Variants in CACNA1A observed in about 807,000 individuals in gnomAD.
CACNA1A encodes the protein calcium voltage-gated channel subunit alpha1 A, also known as voltage-dependent P/Q-type calcium channel subunit alpha-1A.
Under a neutral mutation model 262.4 loss-of-function variants are expected in CACNA1A, and 57 were observed. The observed-to-expected ratio is 0.22, with a 90% CI of 0.18 to 0.27. The LOEUF (loss-of-function observed/expected upper bound fraction) is 0.27, where lower values mean the gene tolerates loss of function less well. CACNA1A is among the 10% of genes least tolerant of loss of function. CACNA1A has a pLI of 1.00. For synonymous variants in CACNA1A, 1,431 were observed against 1,419.3 expected (o/e 1.01, Z -0.18); for missense variants, 2,526 against 3,562.8 (o/e 0.71, Z 7.41).
rs1218506473 is a variant in CACNA1A, at chr19:13,207,631, G to C, written c.7203C>G (p.Pro2401=). The part of the protein sequence containing the change: ...PASGPHVSEG[P]PGPRHHGYYR... ...AGTAGCCATGGTGCCGGGGACCCGG[G>C]GGCCCCTCGGACACGTGCGGGCCAG... The change falls in exon 47 of 47, where the codon CCC becomes CCG. Residue 2401 remains proline, a synonymous_variant. Transcript: ENST00000360228. The surrounding 1 kb of genome is among the most constrained non-coding windows in gnomAD (Gnocchi z 5.7). The C allele has an allele frequency of 6.8e-7, 1 of 1,478,254 alleles. No individual in the cohort carries two copies. The highest frequency in any genetic ancestry group is 2.9e-5 in the East Asian group (1 of 33,908). The allele number at this position is 1,478,254 out of a possible 1,614,324, so 91.6% of individuals were successfully genotyped here. A position where few individuals can be genotyped will look rare whatever the true frequency, so the allele number is the denominator to read the frequency against.
At chr19:13,256,163 C>CTT in intron 28 of CACNA1A, 1 of 146,274 alleles carries the variant, frequency 6.8e-6, no homozygotes, top group Non-Finnish European at 1.5e-5. Context: ...CTAATTAAAA[C>CTT]TTTTTTTTTT....
chr19:13,368,904 A>G lies in CACNA1A; in HGVS notation c.631+2784T>C, dbSNP rs960458223. Reference sequence around the variant, plus strand: ...ATACAAAAAATTAGCCGGGCGTGGTAGCGGGCGCCTGTAGTCCCAGCTACT... The same window carrying G: ...ATACAAAAAATTAGCCGGGCGTGGTGGCGGGCGCCTGTAGTCCCAGCTACT... On this transcript the variant is annotated intron_variant, in intron 4 of 46. Coordinates refer to ENST00000360228, the MANE Select transcript of CACNA1A (RefSeq NM_001127222.2). Among the ~76,000 whole-genome samples, 4 of 142,542 alleles carry G rather than the reference A, an allele frequency of 2.8e-5. 1 individual carries two copies. Among genetic ancestry groups the G allele is most frequent in the Admixed American group, 1.4e-4 (2 of 14,532 alleles). 93.5% of individuals were successfully genotyped at this position (142,542 alleles called of 152,430 possible).
Position 13,212,778 on chromosome 19 carries a change from T to G in CACNA1A, c.5941-38A>C, listed in dbSNP as rs374288486. ...GCAGAGAGCAGTGTGTGGACAAGGG[T>G]GGGGTGGTGGGACGGTGGTACCCAG... On this transcript the variant is annotated intron_variant, in intron 40 of 46. Transcript: ENST00000360228. The surrounding 1 kb of genome is among the most constrained non-coding windows in gnomAD (Gnocchi z 5.6). The G allele has an allele frequency of 1.2e-4, 127 of 1,073,588 alleles. No homozygotes were observed. The African/African-American group carries it at 1.9e-3, about 16-fold the overall frequency. The allele number at this position is 1,073,588 out of a possible 1,614,324, so 66.5% of individuals were successfully genotyped here.
chr19:13,237,677 T>C (rs1278719613), intron 31 of CACNA1A, among the ~76,000 whole-genome samples: 1 of 152,166 alleles, frequency 6.6e-6, no homozygotes, highest in East Asian at 1.9e-4. Context: ...CTGACCACAC[T>C]GGGCTCAAGT....
Position 13,479,879 on chromosome 19 carries a change from T to C in CACNA1A, c.294-24667A>G, listed in dbSNP as rs964809726. 3.3e-5 allele frequency among the ~76,000 whole-genome samples: 5 copies of C among 152,240 alleles called. No individual in the cohort carries two copies. In the East Asian group the frequency reaches 9.6e-4, roughly 29 times the overall value. On this transcript the variant is annotated intron_variant, in intron 1 of 46. Coordinates refer to ENST00000360228, the MANE Select transcript of CACNA1A (RefSeq NM_001127222.2). ...ATAATAACATATACTATACCAGCCG[T>C]TGACAAACTCTGGCCCATGGCTTGT...
At chr19:13,216,167 C>G (rs1386531169) in intron 38 of CACNA1A, among the ~76,000 whole-genome samples, 18 of 152,100 alleles carry the variant, frequency 1.2e-4, no homozygotes, top group Non-Finnish European at 2.9e-5. Flanking sequence ...TCCCTCACCC[C>G]AGTCATGGGG....
intron 35 of CACNA1A, among the ~76,000 whole-genome samples, chr19:13,231,307 G>A (rs1162433235): frequency 3.3e-5 from 5 of 151,620 alleles, no homozygotes; most frequent in African/African-American, 9.7e-5. Context: ...CGGCCACTAC[G>A]CCCAGCTGAA....
intron 6 of CACNA1A, among the ~76,000 whole-genome samples, chr19:13,339,979 G>A (rs1484361968): frequency 6.6e-6 from 1 of 152,150 alleles, no homozygotes; most frequent in Non-Finnish European, 1.5e-5. Context: ...GGCAGCACTG[G>A]CTTTGTGCTC....
At chr19:13,330,124 A>T (rs575610855) in intron 10 of CACNA1A, 120 bp downstream of exon 10, 37 of 640,458 alleles carry the variant, frequency 5.8e-5, no homozygotes, top group South Asian at 3.9e-4. Context: ...CAGGTGGGAA[A>T]GGGTGGAGCT....
chr19:13,369,446 A>G (rs748859653), intron 4 of CACNA1A, among the ~76,000 whole-genome samples: 2 of 152,176 alleles, frequency 1.3e-5, no homozygotes, highest in Non-Finnish European at 1.5e-5. Context: ...CCGTCCCCCA[A>G]TAAAGCAGGT....
At chr19:13,353,476 A>T (rs915561766) in intron 6 of CACNA1A, among the ~76,000 whole-genome samples, 2 of 151,962 alleles carry the variant, frequency 1.3e-5, no homozygotes, top group Admixed American at 1.3e-4. Flanking sequence ...TGTATCCTTA[A>T]TATTCTCCCA....
Position 13,417,364 on chromosome 19 carries a change from T to C in CACNA1A, c.539+35512A>G, listed in dbSNP as rs189056225. Among the ~76,000 whole-genome samples the C allele has an allele frequency of 3.1e-4, 47 of 152,304 alleles. 1 individual carries two copies. Among genetic ancestry groups the C allele is most frequent in the South Asian group, 8.3e-4 (4 of 4,822 alleles). Reference sequence around the variant, plus strand: ...AGGCTGTCATGTTTCGGTTTCTGAATGTCCAGCTGCTGTGACAGCAGGAAA... The same window carrying C: ...AGGCTGTCATGTTTCGGTTTCTGAACGTCCAGCTGCTGTGACAGCAGGAAA... On this transcript the variant is annotated intron_variant, in intron 3 of 46. Transcript: ENST00000360228.
intron 1 of CACNA1A, among the ~76,000 whole-genome samples, chr19:13,505,612 C>G (rs1599395392): frequency 6.6e-6 from 1 of 152,080 alleles, no homozygotes. Flanking sequence ...GGACTTGGCT[C>G]GAAAGCCCCC....
chr19:13,251,197 G>C (rs1420194670), intron 30 of CACNA1A, among the ~76,000 whole-genome samples: 1 of 149,892 alleles, frequency 6.7e-6, no homozygotes, highest in Non-Finnish European at 1.5e-5. Context: ...TTAACACACT[G>C]AGTAGGCCGG....
In CACNA1A at chr19:13,212,041, G is replaced by C. The variant is rs1174781249; in HGVS notation, c.6303+62C>G. The stretch of plus-strand genomic sequence containing the variant: ...GATGCACTGGGCTGCTTGTGGGGGG[G>C]CCTGGCCCTACCCAGTGCAGAGTGA... On this transcript the variant is annotated intron_variant, in intron 43 of 46. Coordinates refer to ENST00000360228, the MANE Select transcript of CACNA1A (RefSeq NM_001127222.2). The surrounding 1 kb of genome is among the most constrained non-coding windows in gnomAD (Gnocchi z 5.6). 7 of 1,219,018 alleles carry C rather than the reference G, an allele frequency of 5.7e-6. No individual in the cohort carries two copies. Among genetic ancestry groups the C allele is most frequent in the Non-Finnish European group, 8.3e-6 (7 of 839,822 alleles). 75.5% of individuals were successfully genotyped at this position (1,219,018 alleles called of 1,614,324 possible). A position where few individuals can be genotyped will look rare whatever the true frequency, so the allele number is the denominator to read the frequency against.
rs1390256795 is a variant in CACNA1A at position 13,346,640 on chromosome 19, ATATATATATATATATATATATATATATT to A, written c.979-10759_979-10732del. Among the ~76,000 whole-genome samples the A allele has an allele frequency of 4.2e-3, 43 of 10,202 alleles. 4 individuals carry two copies. The highest frequency in any genetic ancestry group is 0.012 in the East Asian group (2 of 172). 6.7% of individuals were successfully genotyped at this position (10,202 alleles called of 152,430 possible). A position where few individuals can be genotyped will look rare whatever the true frequency, so the allele number is the denominator to read the frequency against. On this transcript the variant is annotated intron_variant, in intron 6 of 46. Transcript: ENST00000360228. ...ATTATATATATATATATATATATATATATATATATATATATATATATATATATTTTTTTTTTTTTTTTTTTTTTTTTTT... is the reference window on the plus strand; with the variant it reads ...ATTATATATATATATATATATATATATTTTTTTTTTTTTTTTTTTTTTTTT...
chr19:13,360,261 GTGTGTATATA>G (rs1192093042), intron 5 of CACNA1A, among the ~76,000 whole-genome samples: 227 of 103,460 alleles, frequency 2.2e-3, no homozygotes, highest in Middle Eastern at 0.014. Context: ...GTGTGTGTGT[GTGTGTATATA>G]TATATATATA....
chr19:13,481,403 C>T (rs1449384352), intron 1 of CACNA1A, among the ~76,000 whole-genome samples: 2 of 152,230 alleles, frequency 1.3e-5, no homozygotes, highest in Non-Finnish European at 2.9e-5. Flanking sequence ...TGCTGGTCAG[C>T]TGCCAGAGGC....
chr19:13,466,676 G>GCTGCTGCTA (rs113712314), intron 1 of CACNA1A, among the ~76,000 whole-genome samples: 4 of 151,084 alleles, frequency 2.6e-5, no homozygotes, highest in African/African-American at 4.9e-5. Flanking sequence ...TGCTGCTGCT[G>GCTGCTGCTA]CTACTTTCTT....
Sources: allele counts gnomAD v4.1 joint callset (sites outside exome capture counted in the v4.1 genomes callset), GRCh38; gene constraint gnomAD v4.1.1; non-coding constraint Gnocchi (gnomAD v3.1); transcripts MANE v1.5; gene names NCBI Gene and HGNC (gene_info 2026-07-23, HGNC 2026-07-21).